P4HA1: variants seen among roughly 807,000 people sequenced by gnomAD.
P4HA1 encodes prolyl 4-hydroxylase subunit alpha 1, also known as prolyl 4-hydroxylase subunit alpha-1.
A neutral mutation model predicts 72.8 loss-of-function variants in P4HA1; 24 were observed. The observed-to-expected ratio is 0.33, with a 90% CI of 0.24 to 0.46. The LOEUF is 0.46. Among genes scored for constraint, P4HA1 ranks in the 20% least tolerant of loss-of-function variants. The probability of loss-of-function intolerance (pLI) is 1.00; values close to 1 mark genes in which losing one functional copy is unlikely to be tolerated. For synonymous variants in P4HA1, 201 were observed against 218.8 expected (o/e 0.92, Z 0.72); for missense variants, 446 against 640.6 (o/e 0.70, Z 3.28).
intron 9 of P4HA1, among the ~76,000 whole-genome samples, chr10:73,033,565 T>C (rs1840491488): frequency 6.6e-6 from 1 of 152,202 alleles, no homozygotes; most frequent in Non-Finnish European, 1.5e-5. Flanking sequence ...ACCTTCACTT[T>C]AGCCATTCTA....
chr10:73,063,683 C>G (rs758142269), intron 5 of P4HA1, among the ~76,000 whole-genome samples: 2 of 152,164 alleles, frequency 1.3e-5, no homozygotes, highest in Non-Finnish European at 2.9e-5. Context: ...TTAATCCACG[C>G]AGATAGCACC....
Position 73,053,351 on chromosome 10 carries a change from C to T in P4HA1, c.703G>A (p.Asp235Asn), listed in dbSNP as rs767730928. ...CTTAAATTAGGCCCAGATAACATAC[C>T]TAGTTCAAGAAGCTTCTTTGTGAGC... ...LLLTKKLLEL[D>N]PEHQRANGNL... The change falls in exon 6 of 15, where the codon GAT (aspartate) becomes AAT (asparagine). Residue 235 changes from aspartate to asparagine, a missense_variant and splice_region_variant. Physicochemically the swap from Asp to Asn is conservative, Grantham distance 23 (BLOSUM62 1). Transcript: ENST00000394890. 9 of 1,613,864 alleles carry T rather than the reference C, an allele frequency of 5.6e-6. No homozygotes were observed. The highest frequency in any genetic ancestry group is 7.6e-6 in the Non-Finnish European group (9 of 1,179,864).
intron 14 of P4HA1, 102 bp downstream of exon 14, chr10:73,009,704 AT>A (rs755174319): frequency 4.8e-4 from 299 of 624,528 alleles, no homozygotes; most frequent in Non-Finnish European, 6.9e-4. Flanking sequence ...TGTTAAAATC[AT>A]ATTAAGCAAA....
chr10:73,044,943 C>A, intron 9 of P4HA1, 38 bp downstream of exon 9: 1 of 1,517,784 alleles, frequency 6.6e-7, no homozygotes, highest in South Asian at 1.1e-5. Flanking sequence ...ATAAAACACT[C>A]ATTAGAGGGC....
At chr10:73,031,400 G>A (rs139625468) in intron 9 of P4HA1, among the ~76,000 whole-genome samples, 36 of 152,262 alleles carry the variant, frequency 2.4e-4, no homozygotes, top group African/African-American at 7.7e-4. Context: ...CAAGAGAGCC[G>A]CTTGAGCATG....
rs1274608681 is a variant in P4HA1, at chr10:73,028,199, T to TTA, written c.1248+2070_1248+2071dup. ...TCTCACTTTTAAAAAACTGCAAGCG[T>TTA]TATAAATAAAAGCTTTCATAATTTT... On this transcript the variant is annotated intron_variant, in intron 10 of 14. Transcript: ENST00000394890. Among the ~76,000 whole-genome samples, 5 of 151,012 alleles carry TTA rather than the reference T, an allele frequency of 3.3e-5. No individual in the cohort carries two copies. In the East Asian group the frequency reaches 9.8e-4, roughly 30 times the overall value.
chr10:73,025,185 G>T (rs920428218), intron 10 of P4HA1, among the ~76,000 whole-genome samples: 8 of 152,122 alleles, frequency 5.3e-5, no homozygotes, highest in Non-Finnish European at 1.2e-4. Flanking sequence ...AACAAAAAAA[G>T]AGAATTTTAG....
rs907032380 is a variant in P4HA1 at position 73,047,212 on chromosome 10, T to C, written c.901-111A>G. 8 of 797,708 alleles carry C rather than the reference T, an allele frequency of 1.0e-5. No homozygotes were observed. In the African/African-American group the frequency reaches 1.2e-4, roughly 12 times the overall value. The allele number at this position is 797,708 out of a possible 1,614,324, so 49.4% of individuals were successfully genotyped here. ...CATGCTTGCATATACAGAGTATCTC[T>C]GGAAAAACATACAAAAGAAGCAGTA... On this transcript the variant is annotated intron_variant, in intron 7 of 14. Transcript: ENST00000394890.
intron 5 of P4HA1, among the ~76,000 whole-genome samples, chr10:73,056,515 C>A (rs1841151012): frequency 6.6e-6 from 1 of 151,988 alleles, no homozygotes; most frequent in Non-Finnish European, 1.5e-5. Context: ...GCCTGTAATC[C>A]CAGCTACTCA....
At chr10:73,094,597 C>T (rs374058892) in intron 1 of P4HA1, among the ~76,000 whole-genome samples, 12 of 152,198 alleles carry the variant, frequency 7.9e-5, no homozygotes, top group Non-Finnish European at 1.6e-4. Context: ...TAAAATAAAG[C>T]ATTCCTTCCA....
chr10:73,064,478 CAAAAAAATA>C (rs1209677860), intron 5 of P4HA1, among the ~76,000 whole-genome samples: 4 of 116,604 alleles, frequency 3.4e-5, no homozygotes, highest in African/African-American at 1.8e-4. Context: ...GATCCTGTCT[CAAAAAAATA>C]AAGAAAATAA....
At chr10:73,048,268 T>C (rs1331227865) in intron 7 of P4HA1, among the ~76,000 whole-genome samples, 1 of 152,076 alleles carries the variant, frequency 6.6e-6, no homozygotes, top group African/African-American at 2.4e-5. Context: ...GAATTTTTTG[T>C]TTTTGTTTTT....
chr10:73,092,831 G>A (rs369839819), intron 1 of P4HA1, among the ~76,000 whole-genome samples: 5 of 152,024 alleles, frequency 3.3e-5, no homozygotes, highest in African/African-American at 9.7e-5. Context: ...CAACAAGAGA[G>A]TAAGGATGAC....
intron 2 of P4HA1, 133 bp downstream of exon 2, chr10:73,074,675 G>A: frequency 1.7e-6 from 1 of 586,394 alleles, no homozygotes; most frequent in South Asian, 2.1e-5. Flanking sequence ...ATTAAAAAAG[G>A]ACCTTTTAGG....
At chr10:73,009,505 A>C in intron 14 of P4HA1, 1 of 236,138 alleles carries the variant, frequency 4.2e-6, no homozygotes. Flanking sequence ...TATGTACTAC[A>C]TTATAATCCA....
At chr10:73,059,312 G>A (rs1431731845) in intron 5 of P4HA1, among the ~76,000 whole-genome samples, 1 of 151,158 alleles carries the variant, frequency 6.6e-6, no homozygotes, top group Non-Finnish European at 1.5e-5. Context: ...TAAATTGGCT[G>A]GGCATGGCGG....
At chr10:73,049,248 T>C (rs1384841804) in intron 7 of P4HA1, among the ~76,000 whole-genome samples, 2 of 152,252 alleles carry the variant, frequency 1.3e-5, no homozygotes, top group Admixed American at 6.5e-5. Context: ...TTGTATACTT[T>C]GCTGTTAGTG....
intron 14 of P4HA1, among the ~76,000 whole-genome samples, chr10:73,008,687 C>A (rs533134660): frequency 6.6e-6 from 1 of 152,226 alleles, no homozygotes; most frequent in South Asian, 2.1e-4. Flanking sequence ...AATACAAAGA[C>A]AATAATGAAC....
intron 1 of P4HA1, 109 bp from the exon 2 acceptor site, chr10:73,075,024 T>TA (rs1221941732): frequency 5.3e-6 from 3 of 563,588 alleles, no homozygotes; most frequent in Non-Finnish European, 9.5e-6. Context: ...AGGTTGCCCA[T>TA]AAAATTGATG....
Sources: allele counts gnomAD v4.1 joint callset (sites outside exome capture counted in the v4.1 genomes callset), GRCh38; gene constraint gnomAD v4.1.1; transcripts MANE v1.5; gene names NCBI Gene and HGNC (gene_info 2026-07-23, HGNC 2026-07-21).